The following SNTG1 variants were observed in gnomAD, a reference collection of about 807,000 sequenced individuals.
The protein encoded by SNTG1 is gamma-1-syntrophin.
SNTG1 carries 39 observed loss-of-function variants against 74.7 expected under a neutral mutation model. The ratio of observed to expected loss-of-function variants is 0.52; its 90% CI spans 0.40 to 0.68. The LOEUF (loss-of-function observed/expected upper bound fraction) is 0.68. Among genes scored for constraint, SNTG1 ranks in the 30% least tolerant of loss-of-function variants. SNTG1 has a pLI of 0.00. For synonymous variants in SNTG1, 254 were observed against 217.1 expected (o/e 1.17, Z -1.49); for missense variants, 685 against 609.5 (o/e 1.12, Z -1.30).
At chr8:50,708,107 A>T (rs2131547872) in intron 16 of SNTG1, 1 of 216,650 alleles carries the variant, frequency 4.6e-6, no homozygotes, top group South Asian at 1.9e-4. Context: ...AGACCGAGGG[A>T]AGAGCATTTA....
chr8:50,686,494 T>A (rs2095352926), intron 15 of SNTG1, among the ~76,000 whole-genome samples: 1 of 152,130 alleles, frequency 6.6e-6, no homozygotes, highest in Non-Finnish European at 1.5e-5. Flanking sequence ...AAGGAGGAAA[T>A]TTAAACTTGT....
At chr8:50,341,421 C>T (rs971359437) in intron 2 of SNTG1, among the ~76,000 whole-genome samples, 1 of 151,694 alleles carries the variant, frequency 6.6e-6, no homozygotes, top group Non-Finnish European at 1.5e-5. Context: ...ACAGTCATTT[C>T]TATGTATAAT....
rs769116610 is a variant in SNTG1 at position 50,394,225 on chromosome 8, T to C, written c.-14T>C. The stretch of plus-strand genomic sequence containing the variant: ...GTGTCTTTTCAGACGACATCCTTTG[T>C]GGTGCCACAGCACATGGATTTCAGA... On this transcript the variant is annotated 5_prime_UTR_variant, in exon 3 of 19. Coordinates refer to ENST00000642720, the MANE Select transcript of SNTG1 (RefSeq NM_018967.5). The C allele has an allele frequency of 6.2e-7, 1 of 1,612,800 alleles. No individual in the cohort carries two copies. Among genetic ancestry groups the C allele is most frequent in the East Asian group, 2.2e-5 (1 of 44,776 alleles).
At chr8:50,689,586 C>T (rs112037160) in intron 15 of SNTG1, among the ~76,000 whole-genome samples, 4,398 of 147,796 alleles carry the variant, frequency 0.03, 213 homozygotes, top group African/African-American at 0.1. Flanking sequence ...CCTTGCATCC[C>T]GGGGATGAAG....
At chr8:50,183,265 AC>A (rs1308587694) in intron 2 of SNTG1, among the ~76,000 whole-genome samples, 1 of 152,188 alleles carries the variant, frequency 6.6e-6, no homozygotes, top group Non-Finnish European at 1.5e-5. Flanking sequence ...TGTAAGTCTT[AC>A]GCTTCCGCAT....
chr8:50,019,510 C>T (rs1816631218), intron 1 of SNTG1, among the ~76,000 whole-genome samples: 1 of 151,980 alleles, frequency 6.6e-6, no homozygotes. Flanking sequence ...ATCTTGCTTT[C>T]TGTATCTATC....
intron 2 of SNTG1, among the ~76,000 whole-genome samples, chr8:50,281,873 G>A (rs1232804587): frequency 6.6e-6 from 1 of 152,150 alleles, no homozygotes; most frequent in African/African-American, 2.4e-5. Flanking sequence ...GAACTTATGA[G>A]ATATAGCAAA....
At chr8:50,145,643 C>T (rs749946601) in intron 1 of SNTG1, among the ~76,000 whole-genome samples, 3 of 152,134 alleles carry the variant, frequency 2.0e-5, no homozygotes, top group Non-Finnish European at 4.4e-5. Flanking sequence ...ACATACTCTG[C>T]TTCAGGGATT....
chr8:50,296,567 A>G (rs2089384338), intron 2 of SNTG1, among the ~76,000 whole-genome samples: 1 of 152,120 alleles, frequency 6.6e-6, no homozygotes, highest in Non-Finnish European at 1.5e-5. Flanking sequence ...GAAAATGAAA[A>G]CACAGGGACA....
At chr8:50,309,426 T>C (rs559607100) in intron 2 of SNTG1, among the ~76,000 whole-genome samples, 1 of 152,142 alleles carries the variant, frequency 6.6e-6, no homozygotes, top group African/African-American at 2.4e-5. Context: ...AGTCAGATGG[T>C]TTTGATTCCT....
chr8:50,293,786 A>C (rs546454818), intron 2 of SNTG1, among the ~76,000 whole-genome samples: 1 of 152,298 alleles, frequency 6.6e-6, no homozygotes, highest in Admixed American at 6.5e-5. Context: ...ACAGGGGTTA[A>C]GATTTCAGTA....
rs576830604 is a variant in SNTG1, at chr8:50,023,495, C to T, written c.-103+111264C>T. 5.9e-5 allele frequency among the ~76,000 whole-genome samples: 9 copies of T among 152,182 alleles called. No homozygotes were observed. The South Asian group carries it at 6.2e-4, about 11-fold the overall frequency. ...ACAGTAGAACTTATTCTCCTTAAGG[C>T]GATCAGTATGAGGTTCAGAGGGTAA... On this transcript the variant is annotated intron_variant, in intron 1 of 18. Transcript: ENST00000642720.
rs1185068320 is a variant in SNTG1, at chr8:50,794,957, C to T, written c.*2128C>T. On this transcript the variant is annotated 3_prime_UTR_variant, in exon 19 of 19. Transcript: ENST00000642720. The stretch of plus-strand genomic sequence containing the variant: ...TGTTATTATGAAAATTTAGCCTATG[C>T]TCATGTGTGTTACGAAGGAAAAGGT... 1 of 151,844 alleles carries T rather than the reference C, an allele frequency of 6.6e-6. No individual in the cohort carries two copies. The highest frequency in any genetic ancestry group is 2.4e-5 in the African/African-American group (1 of 41,346). 9.4% of individuals were successfully genotyped at this position (151,844 alleles called of 1,614,324 possible). A position where few individuals can be genotyped will look rare whatever the true frequency, so the allele number is the denominator to read the frequency against.
intron 1 of SNTG1, among the ~76,000 whole-genome samples, chr8:50,138,889 T>C (rs1329863608): frequency 6.6e-6 from 1 of 152,102 alleles, no homozygotes; most frequent in Non-Finnish European, 1.5e-5. Flanking sequence ...TTATATGATA[T>C]ACAGTGTATC....
At chr8:50,763,382 T>G (rs1163081644) in intron 18 of SNTG1, among the ~76,000 whole-genome samples, 1 of 151,902 alleles carries the variant, frequency 6.6e-6, no homozygotes, top group Non-Finnish European at 1.5e-5. Flanking sequence ...TGATTTTTAG[T>G]CTGATTCCAG....
At chr8:50,322,725 A>G (rs2090579648) in intron 2 of SNTG1, among the ~76,000 whole-genome samples, 1 of 151,492 alleles carries the variant, frequency 6.6e-6, no homozygotes, top group Non-Finnish European at 1.5e-5. Context: ...ATTGTTTTTT[A>G]TTCTTATTTC....
At chr8:50,062,260 T>C (rs1436083074) in intron 1 of SNTG1, among the ~76,000 whole-genome samples, 3 of 152,280 alleles carry the variant, frequency 2.0e-5, no homozygotes, top group East Asian at 3.9e-4. Context: ...TTGGCCAGGC[T>C]GATCTCTAAC....
chr8:50,285,440 G>C (rs1332491835), intron 2 of SNTG1, among the ~76,000 whole-genome samples: 1 of 151,996 alleles, frequency 6.6e-6, no homozygotes, highest in East Asian at 1.9e-4. Context: ...AGTGAGACAC[G>C]GTCTTAAGAA....
In SNTG1 at chr8:50,121,137, C is replaced by G. The variant is rs953653254; in HGVS notation, c.-102-51424C>G. On this transcript the variant is annotated intron_variant, in intron 1 of 18. Coordinates refer to ENST00000642720, the MANE Select transcript of SNTG1 (RefSeq NM_018967.5). ...CTTGCCATACACAAAAAACTAGTCT[C>G]TCAAGACCATTATTTTTTATACGTA... Among the ~76,000 whole-genome samples, 8 of 142,324 alleles carry G rather than the reference C, an allele frequency of 5.6e-5. 2 individuals carry two copies. The highest frequency in any genetic ancestry group is 1.1e-4 in the Non-Finnish European group (7 of 63,868). The allele number at this position is 142,324 out of a possible 152,430, so 93.4% of individuals were successfully genotyped here.
Sources: allele counts gnomAD v4.1 joint callset (sites outside exome capture counted in the v4.1 genomes callset), GRCh38; gene constraint gnomAD v4.1.1; transcripts MANE v1.5; gene names NCBI Gene and HGNC (gene_info 2026-07-23, HGNC 2026-07-21).